The following PPP3CA variants were observed in gnomAD, a reference collection of about 807,000 sequenced individuals.
PPP3CA encodes CAM-PRP catalytic subunit.
Under a neutral mutation model 66.5 loss-of-function variants are expected in PPP3CA, and 14 were observed. The observed-to-expected ratio is 0.21, with a 90% CI of 0.14 to 0.33. PPP3CA has a LOEUF of 0.33. Among genes scored for constraint, PPP3CA ranks in the 10% least tolerant of loss-of-function variants. PPP3CA has a pLI of 1.00. For missense variants in PPP3CA, 317 were observed against 639.5 expected (o/e 0.50, Z 5.44); for synonymous variants, 232 against 226.2 (o/e 1.03, Z -0.23).
intron 10 of PPP3CA, among the ~76,000 whole-genome samples, chr4:101,043,490 T>C (rs1199224503): frequency 6.6e-6 from 1 of 152,036 alleles, no homozygotes; most frequent in Non-Finnish European, 1.5e-5. Context: ...GATATTCTAC[T>C]TTATGTATAT....
rs548220374 is a variant in PPP3CA at position 101,193,254 on chromosome 4, T to C, written c.259+2662A>G. On this transcript the variant is annotated intron_variant, in intron 2 of 13. Transcript: ENST00000394854. ...AATGTATAATAAACATTTCATTAAA[T>C]TGGATCACCAAAATGTGTTGCCTCA... Among the ~76,000 whole-genome samples the C allele has an allele frequency of 2.6e-5, 4 of 152,348 alleles. No individual in the cohort carries two copies. The East Asian group carries it at 7.7e-4, about 29-fold the overall frequency.
intron 2 of PPP3CA, among the ~76,000 whole-genome samples, chr4:101,128,314 G>A (rs1202049572): frequency 6.6e-6 from 1 of 152,060 alleles, no homozygotes. Context: ...TTGTGATGAT[G>A]GATATGCTAA....
intron 2 of PPP3CA, among the ~76,000 whole-genome samples, chr4:101,176,925 CACA>C (rs1215683275): frequency 1.3e-5 from 2 of 152,084 alleles, no homozygotes; most frequent in Admixed American, 6.6e-5. Flanking sequence ...TTTCTATAGC[CACA>C]ACATTATTCA....
chr4:101,261,071 G>C (rs73833300), intron 1 of PPP3CA, among the ~76,000 whole-genome samples: 2,952 of 152,178 alleles, frequency 0.019, 113 homozygotes, highest in African/African-American at 0.067. Flanking sequence ...CTTCTGTTGA[G>C]CATTTACTAT....
chr4:101,241,055 C>T (rs1578585444), intron 1 of PPP3CA, among the ~76,000 whole-genome samples: 4 of 151,968 alleles, frequency 2.6e-5, no homozygotes, highest in African/African-American at 7.2e-5. Context: ...TTTGTAGAGA[C>T]AGCGTCTCCC....
rs144329222 is a variant in PPP3CA at position 101,226,570 on chromosome 4, T to C, written c.59-30454A>G. On this transcript the variant is annotated intron_variant, in intron 1 of 13. Transcript: ENST00000394854. The stretch of plus-strand genomic sequence containing the variant: ...TAACTCAGTAAATTCATCAATTCAG[T>C]TCACGGTATAACTGAATTGAAGTTC... Among the ~76,000 whole-genome samples, 1,113 of 151,850 alleles carry C rather than the reference T, an allele frequency of 7.3e-3. 11 individuals are homozygous for C. The highest frequency in any genetic ancestry group is 0.026 in the African/African-American group (1,064 of 41,502).
At chr4:101,324,560 T>TA (rs1373257586) in intron 1 of PPP3CA, among the ~76,000 whole-genome samples, 1 of 152,156 alleles carries the variant, frequency 6.6e-6, no homozygotes, top group Non-Finnish European at 1.5e-5. Context: ...AAAATTAAAA[T>TA]ACTTAGAATC....
chr4:101,114,598 T>C (rs911509461), intron 2 of PPP3CA, among the ~76,000 whole-genome samples: 1 of 152,120 alleles, frequency 6.6e-6, no homozygotes, highest in African/African-American at 2.4e-5. Flanking sequence ...TTATACACTA[T>C]CACTTATCTC....
intron 6 of PPP3CA, among the ~76,000 whole-genome samples, chr4:101,091,317 A>G (rs1729929611): frequency 6.6e-6 from 1 of 152,200 alleles, no homozygotes; most frequent in Non-Finnish European, 1.5e-5. Flanking sequence ...AAATTTAAAC[A>G]TCTTTAATAA....
At chr4:101,092,587 G>GC (rs1218737235) in intron 6 of PPP3CA, among the ~76,000 whole-genome samples, 1 of 151,506 alleles carries the variant, frequency 6.6e-6, no homozygotes, top group Non-Finnish European at 1.5e-5. Flanking sequence ...CCTTCCCCTA[G>GC]CCCCCCACCC....
At chr4:101,275,490 T>C (rs1312492692) in intron 1 of PPP3CA, among the ~76,000 whole-genome samples, 1 of 152,158 alleles carries the variant, frequency 6.6e-6, no homozygotes, top group Non-Finnish European at 1.5e-5. Flanking sequence ...ATAAAAGATA[T>C]AAGGCTAGGA....
At chr4:101,090,413 TG>T (rs1488599297) in intron 6 of PPP3CA, among the ~76,000 whole-genome samples, 5 of 151,736 alleles carry the variant, frequency 3.3e-5, no homozygotes, top group East Asian at 1.9e-4. Flanking sequence ...CCGAGGTGGA[TG>T]GATCACCTGA....
chr4:101,090,404 C>T (rs1729859993), intron 6 of PPP3CA, among the ~76,000 whole-genome samples: 9 of 151,606 alleles, frequency 5.9e-5, no homozygotes, highest in Admixed American at 5.3e-4. Flanking sequence ...TTTGGGAGGC[C>T]GAGGTGGATG....
chr4:101,261,436 C>A (rs1253792821), intron 1 of PPP3CA, among the ~76,000 whole-genome samples: 1 of 152,008 alleles, frequency 6.6e-6, no homozygotes, highest in Non-Finnish European at 1.5e-5. Context: ...GTATTTGTAA[C>A]AAGATATTCT....
intron 1 of PPP3CA, among the ~76,000 whole-genome samples, chr4:101,346,014 G>A (rs1167913668): frequency 6.6e-6 from 1 of 152,244 alleles, no homozygotes; most frequent in Non-Finnish European, 1.5e-5. Context: ...GCGTGCGGGG[G>A]AAATCCCGGG....
At chr4:101,306,408 C>T (rs1055000288) in intron 1 of PPP3CA, among the ~76,000 whole-genome samples, 1 of 152,028 alleles carries the variant, frequency 6.6e-6, no homozygotes, top group African/African-American at 2.4e-5. Context: ...GCTCCCCCTC[C>T]GGAAAGCCAC....
chr4:101,109,193 T>G (rs1721569542), intron 2 of PPP3CA, 115 bp from the exon 3 acceptor site: 1 of 1,103,682 alleles, frequency 9.1e-7, no homozygotes, highest in Non-Finnish European at 1.3e-6. Context: ...AGCCAAAACA[T>G]TCTTTTGCAG....
At chr4:101,066,255 T>A (rs1307717870) in intron 8 of PPP3CA, among the ~76,000 whole-genome samples, 1 of 152,064 alleles carries the variant, frequency 6.6e-6, no homozygotes, top group Non-Finnish European at 1.5e-5. Context: ...CCATGTTTAA[T>A]CTCTTTAAAG....
At position 101,175,030 on chromosome 4, in the gene PPP3CA, G is replaced by A. The variant is rs140375429; in HGVS notation, c.259+20886C>T. Among the ~76,000 whole-genome samples, 541 of 152,178 alleles carry A rather than the reference G, an allele frequency of 3.6e-3. 3 individuals are homozygous for A. Among genetic ancestry groups the A allele is most frequent in the African/African-American group, 0.012 (518 of 41,538 alleles). On this transcript the variant is annotated intron_variant, in intron 2 of 13. Transcript: ENST00000394854. ...GGACTAAGGTAAGACTTAAAGTCCC[G>A]AAAAATATTTGGAGACATAACAAAG...
Sources: allele counts gnomAD v4.1 joint callset (sites outside exome capture counted in the v4.1 genomes callset), GRCh38; gene constraint gnomAD v4.1.1; transcripts MANE v1.5; gene names NCBI Gene and HGNC (gene_info 2026-07-23, HGNC 2026-07-21).